The following BMPER variants were observed in gnomAD, a reference collection of about 807,000 sequenced individuals.
BMPER encodes BMP-binding endothelial regulator protein.
BMPER carries 45 observed loss-of-function variants against 87.3 expected under a neutral mutation model. That is an observed-to-expected ratio of 0.52 (90% CI 0.41 to 0.66). The LOEUF (loss-of-function observed/expected upper bound fraction) is 0.66, where lower values mean the gene tolerates loss of function less well. BMPER is among the 30% of genes least tolerant of loss of function. BMPER has a pLI of 0.00. For synonymous variants in BMPER, 326 were observed against 316.2 expected (o/e 1.03, Z -0.33); for missense variants, 784 against 867.5 (o/e 0.90, Z 1.21).
At chr7:34,118,434 C>T (rs1260468199) in intron 13 of BMPER, among the ~76,000 whole-genome samples, 1 of 152,174 alleles carries the variant, frequency 6.6e-6, no homozygotes, top group Non-Finnish European at 1.5e-5. Flanking sequence ...GCGTTCCATG[C>T]TCAAAGAGGG....
At chr7:33,970,253 A>T in intron 4 of BMPER, 76 bp from the exon 5 acceptor site, 1 of 1,449,054 alleles carries the variant, frequency 6.9e-7, no homozygotes, top group Non-Finnish European at 9.7e-7. Flanking sequence ...CACTTCTCCT[A>T]CTTAGGTCAC....
At chr7:34,100,099 A>G (rs888739780) in intron 13 of BMPER, among the ~76,000 whole-genome samples, 1 of 152,094 alleles carries the variant, frequency 6.6e-6, no homozygotes, top group Non-Finnish European at 1.5e-5. Context: ...TTTGAGCCCT[A>G]TTAAATGCTA....
intron 2 of BMPER, 138 bp from the exon 3 acceptor site, chr7:33,937,151 C>A: frequency 3.5e-6 from 3 of 848,660 alleles, no homozygotes; most frequent in Non-Finnish European, 5.8e-6. Flanking sequence ...ATGGCAAAAT[C>A]CTATTTGCTC....
intron 1 of BMPER, 95 bp downstream of exon 1, chr7:33,905,841 G>GGGGGC: frequency 3.4e-6 from 2 of 584,016 alleles, no homozygotes; most frequent in African/African-American, 1.9e-5. Flanking sequence ...GGAGGGTGGG[G>GGGGGC]AGCGCGCACC....
chr7:33,992,048 A>G (rs573606715), intron 6 of BMPER, among the ~76,000 whole-genome samples: 2,282 of 151,800 alleles, frequency 0.015, 65 homozygotes, highest in African/African-American at 0.053. Context: ...TATGTGGTCA[A>G]TTTTGGAATA....
rs762903716 is a variant in BMPER at position 34,143,264 on chromosome 7, C to T, written c.1780C>T (p.His594Tyr). 1 of 1,614,018 alleles carries T rather than the reference C, an allele frequency of 6.2e-7. No homozygotes were observed. The highest frequency in any genetic ancestry group is 1.7e-5 in the Admixed American group (1 of 59,998). Reference protein sequence around the residue: ...CVTDMCECPVHKNCYCESFLA... With the variant: ...CVTDMCECPVYKNCYCESFLA... The stretch of plus-strand genomic sequence containing the variant: ...GACAGACATGTGTGAATGTCCAGTC[C>T]ATAAAAACTGTTATTGCGAGTCATT... The change falls in exon 14 of 15, where the codon CAT (histidine) becomes TAT (tyrosine). Residue 594 changes from histidine (H) to tyrosine (Y), a missense_variant. His to Tyr is a moderately conservative substitution (Grantham distance 83). Coordinates refer to ENST00000649409, the MANE Select transcript of BMPER (RefSeq NM_001365308.1).
At chr7:34,093,580 C>T (rs193236032) in intron 13 of BMPER, among the ~76,000 whole-genome samples, 1 of 152,322 alleles carries the variant, frequency 6.6e-6, no homozygotes, top group Admixed American at 6.5e-5. Context: ...CAAGACCAGA[C>T]TCTCTTTGGG....
chr7:34,148,360 C>G (rs930696757), intron 14 of BMPER, among the ~76,000 whole-genome samples: 1 of 152,160 alleles, frequency 6.6e-6, no homozygotes, highest in South Asian at 2.1e-4. Flanking sequence ...TCCCCTGTAC[C>G]TTGTTATTGT....
chr7:34,051,277 A>G (rs115993331), intron 7 of BMPER, among the ~76,000 whole-genome samples: 1,555 of 152,304 alleles, frequency 0.01, 23 homozygotes, highest in African/African-American at 0.033. Context: ...TTGTGGAGAC[A>G]CAAATGTTCA....
chr7:33,910,054 T>C (rs190902153), intron 2 of BMPER, among the ~76,000 whole-genome samples: 2 of 152,342 alleles, frequency 1.3e-5, no homozygotes, highest in Admixed American at 6.5e-5. Flanking sequence ...TTTTAAAGTA[T>C]GTGGCCCAAA....
intron 6 of BMPER, among the ~76,000 whole-genome samples, chr7:34,028,971 G>A (rs1218297088): frequency 1.3e-5 from 2 of 152,026 alleles, no homozygotes; most frequent in African/African-American, 4.8e-5. Context: ...ATTTGGAAAA[G>A]TGATTATGAG....
chr7:33,943,105 G>A (rs2128611069), intron 3 of BMPER, among the ~76,000 whole-genome samples: 2 of 151,452 alleles, frequency 1.3e-5, no homozygotes, highest in Middle Eastern at 6.8e-3. Flanking sequence ...ATATATTATT[G>A]TACTAAAAAA....
At chr7:33,905,011 C>T (rs1163985073), upstream of BMPER, 2 of 155,428 alleles carry the variant, frequency 1.3e-5, no homozygotes, top group African/African-American at 4.8e-5. Flanking sequence ...AGAGTTCCCG[C>T]TGCAGCTATC....
intron 10 of BMPER, among the ~76,000 whole-genome samples, chr7:34,060,787 CAGGGGATA>C (rs1788415888): frequency 6.6e-6 from 1 of 152,122 alleles, no homozygotes; most frequent in Non-Finnish European, 1.5e-5. Context: ...TCCCTGTAAA[CAGGGGATA>C]AGGACAACTG....
chr7:33,970,795 T>C (rs1471774983), intron 5 of BMPER, among the ~76,000 whole-genome samples: 1 of 152,170 alleles, frequency 6.6e-6, no homozygotes, highest in Non-Finnish European at 1.5e-5. Context: ...GACCAGATGT[T>C]TTCTGAAAAC....
intron 14 of BMPER, among the ~76,000 whole-genome samples, chr7:34,143,745 T>C (rs1486340853): frequency 6.6e-6 from 1 of 152,190 alleles, no homozygotes; most frequent in Non-Finnish European, 1.5e-5. Context: ...ATAAGCAAGA[T>C]ACTTTTTTTT....
At chr7:34,119,012 T>TCACACACACACACACACACA (rs781255103) in intron 13 of BMPER, among the ~76,000 whole-genome samples, 5 of 33,028 alleles carry the variant, frequency 1.5e-4, no homozygotes, top group South Asian at 2.0e-3. Flanking sequence ...TCTCTCTCTC[T>TCACACACACACACACACACA]CTCACACACA....
At chr7:34,126,876 A>T (rs989675963) in intron 13 of BMPER, among the ~76,000 whole-genome samples, 1 of 152,198 alleles carries the variant, frequency 6.6e-6, no homozygotes, top group African/African-American at 2.4e-5. Context: ...TTTAAAAAAA[A>T]TGTCCAAATT....
intron 2 of BMPER, among the ~76,000 whole-genome samples, chr7:33,913,870 C>G (rs139385367): frequency 6.8e-4 from 103 of 152,240 alleles, no homozygotes; most frequent in African/African-American, 2.4e-3. Flanking sequence ...TCAGTGACAC[C>G]CTGCCTTACA....
Sources: gnomAD v4.1 joint callset for allele counts (sites outside exome capture counted in the v4.1 genomes callset) on GRCh38, gnomAD v4.1.1 for gene constraint, MANE v1.5 for transcripts, NCBI Gene and HGNC (gene_info 2026-07-23, HGNC 2026-07-21) for gene names.